DZANK1: variants seen among roughly 807,000 people sequenced by gnomAD.
The protein encoded by DZANK1 is double zinc ribbon and ankyrin repeat-containing protein 1.
A neutral mutation model predicts 94.5 loss-of-function variants in DZANK1; 91 were observed. The ratio of observed to expected loss-of-function variants is 0.96; its 90% CI spans 0.81 to 1.15. DZANK1 has a LOEUF of 1.15. Among genes scored for constraint, DZANK1 ranks in the 50% most tolerant of loss-of-function variants. The probability of loss-of-function intolerance (pLI) is 0.00; values close to 1 mark genes in which losing one functional copy is unlikely to be tolerated. For synonymous variants in DZANK1, 312 were observed against 325.3 expected, an observed-to-expected ratio of 0.96 and a Z score of 0.44; for missense variants, 903 against 916.4, an observed-to-expected ratio of 0.99 and a Z score of 0.19.
intron 1 of DZANK1, 32 bp from the exon 2 acceptor site, chr20:18,465,409 TACACAAAAGCTGAAGAGCA>T (rs2059614277): frequency 9.6e-6 from 9 of 938,914 alleles, no homozygotes; most frequent in Non-Finnish European, 1.3e-5. Flanking sequence ...AATTCCAATG[TACACAAAAGCTGAAGAGCA>T]GCACTTAATT....
chr20:18,407,650 T>C (rs1395283003), intron 13 of DZANK1, among the ~76,000 whole-genome samples: 1 of 152,198 alleles, frequency 6.6e-6, no homozygotes, highest in Admixed American at 6.5e-5. Context: ...AATAGCTGTT[T>C]TAAGGAAACT....
At position 18,401,491 on chromosome 20, in the gene DZANK1, A is replaced by G. The variant is rs149258104; in HGVS notation, c.1433-2865T>C. Among the ~76,000 whole-genome samples, 16 of 152,342 alleles carry G rather than the reference A, an allele frequency of 1.1e-4. 1 individual carries two copies. The East Asian group carries it at 2.9e-3, about 28-fold the overall frequency. On this transcript the variant is annotated intron_variant, in intron 13 of 20. Transcript: ENST00000262547. ...ACTGCCCATACTTCTGTGGGTCAAGAATATGGTCAATGCTCTGCAGGGACG... is the reference window on the plus strand; with the variant it reads ...ACTGCCCATACTTCTGTGGGTCAAGGATATGGTCAATGCTCTGCAGGGACG...
intron 10 of DZANK1, among the ~76,000 whole-genome samples, chr20:18,417,024 C>CAAAAAAAA (rs758353663): frequency 5.7e-5 from 3 of 52,916 alleles, no homozygotes; most frequent in Non-Finnish European, 1.5e-4. Flanking sequence ...ATCAAAAAAA[C>CAAAAAAAA]AAAAAAAAAC....
intron 14 of DZANK1, among the ~76,000 whole-genome samples, chr20:18,396,775 TATAA>T (rs1159115743): frequency 6.6e-6 from 1 of 152,170 alleles, no homozygotes; most frequent in East Asian, 1.9e-4. Flanking sequence ...CTCTACTAAT[TATAA>T]ATAAACTACT....
rs1200182552 is a variant in DZANK1 at position 18,415,324 on chromosome 20, C to T, written c.1077+3G>A. ...TACAGAATCTCAGTTTTAAAATACC[C>T]ACCATGGCTCCACACCAGCCGCAGA... On this transcript the variant is annotated splice_donor_region_variant and intron_variant, in intron 11 of 20. Transcript: ENST00000262547. The T allele has an allele frequency of 1.3e-6, 2 of 1,542,406 alleles. No homozygotes were observed. The highest frequency in any genetic ancestry group is 3.9e-5 in the Admixed American group (2 of 51,208).
chr20:18,395,106 A>G (rs780995564), intron 15 of DZANK1, among the ~76,000 whole-genome samples: 9 of 152,186 alleles, frequency 5.9e-5, no homozygotes, highest in Non-Finnish European at 1.3e-4. Flanking sequence ...TCACTTCTGT[A>G]ATCCCAGCAC....
intron 10 of DZANK1, among the ~76,000 whole-genome samples, chr20:18,421,766 C>T (rs2057792174): frequency 6.6e-6 from 1 of 152,128 alleles, no homozygotes; most frequent in South Asian, 2.1e-4. Flanking sequence ...GGGTGGCTTG[C>T]AATGCTCAGC....
At chr20:18,404,884 C>G (rs2056880454) in intron 13 of DZANK1, among the ~76,000 whole-genome samples, 1 of 151,836 alleles carries the variant, frequency 6.6e-6, no homozygotes, top group Non-Finnish European at 1.5e-5. Context: ...TGCACTCCAG[C>G]CTGGGTGACA....
chr20:18,427,673 G>A (rs1376642706), intron 9 of DZANK1, among the ~76,000 whole-genome samples: 1 of 151,520 alleles, frequency 6.6e-6, no homozygotes, highest in Non-Finnish European at 1.5e-5. Flanking sequence ...CTGAGTAGAC[G>A]TTCCATTTCA....
exon 16 of DZANK1, chr20:18,394,264 C>A (rs775045668): frequency 6.2e-7 from 1 of 1,613,362 alleles, no homozygotes; most frequent in Non-Finnish European, 8.5e-7. Context: ...CCCAGCTGGA[C>A]CTGCTGCCGC....
exon 3 of DZANK1, chr20:18,460,306 T>A: frequency 6.6e-7 from 1 of 1,511,972 alleles, no homozygotes; most frequent in South Asian, 1.3e-5. Context: ...ATCTGGAGTG[T>A]CTGAAAAATC....
At chr20:18,390,518 C>T in intron 17 of DZANK1, 59 bp from the exon 18 acceptor site, 1 of 1,499,322 alleles carries the variant, frequency 6.7e-7, no homozygotes, top group Non-Finnish European at 9.3e-7. Flanking sequence ...TCAAGGCAAA[C>T]ACTTTCTTTC....
Position 18,455,271 on chromosome 20 carries a change from AT to A in DZANK1, c.353del (p.Asn118MetfsTer20). ...CCTGCCTTGAAGAATCTTTGAGAAC[AT>A]TTTCAACATTGTCTTCAGGAGAGAC... On this transcript the variant is annotated frameshift_variant, in exon 4 of 21. Coordinates refer to ENST00000262547, the Ensembl canonical transcript of DZANK1. LOFTEE classifies it high-confidence loss of function. 1 of 1,605,980 alleles carries A rather than the reference AT, an allele frequency of 6.2e-7. No individual in the cohort carries two copies. The highest frequency in any genetic ancestry group is 8.5e-7 in the Non-Finnish European group (1 of 1,175,706).
At chr20:18,408,159 T>A (rs2148393406) in intron 13 of DZANK1, among the ~76,000 whole-genome samples, 1 of 152,110 alleles carries the variant, frequency 6.6e-6, no homozygotes, top group Admixed American at 6.5e-5. Flanking sequence ...CTACTATAAA[T>A]ATAAAAATTA....
At chr20:18,461,763 C>T (rs774781750) in intron 2 of DZANK1, among the ~76,000 whole-genome samples, 12 of 152,094 alleles carry the variant, frequency 7.9e-5, no homozygotes, top group African/African-American at 1.2e-4. Context: ...CCACGCCCAG[C>T]TAATTTTTGT....
At chr20:18,415,215 G>A in intron 11 of DZANK1, 112 bp downstream of exon 11, 4 of 1,134,194 alleles carry the variant, frequency 3.5e-6, no homozygotes, top group Non-Finnish European at 4.6e-6. Context: ...ATAGGTACCA[G>A]TAGCGAAATC....
At chr20:18,432,916 T>C (rs1225164724) in intron 9 of DZANK1, 1 of 152,226 alleles carries the variant, frequency 6.6e-6, no homozygotes, top group African/African-American at 2.4e-5. Flanking sequence ...ATGTAAGTGA[T>C]GATACATAAC....
chr20:18,451,998 T>A, intron 6 of DZANK1: 1 of 508,964 alleles, frequency 2.0e-6, no homozygotes, highest in South Asian at 1.4e-5. Context: ...TAGAATAGAA[T>A]TCAAACTTCT....
In DZANK1 at chr20:18,414,241, T is replaced by C. The variant is rs953191818; in HGVS notation, c.1242+107A>G. On this transcript the variant is annotated intron_variant, in intron 12 of 20. Transcript: ENST00000262547. Reference sequence around the variant, plus strand: ...TAGTTGAAATTCCATGTGAAAGTTCTAAAAGTTTTGGGTCTCTTCCCCGGG... The same window carrying C: ...TAGTTGAAATTCCATGTGAAAGTTCCAAAAGTTTTGGGTCTCTTCCCCGGG... The C allele has an allele frequency of 3.7e-6, 5 of 1,336,112 alleles. No individual in the cohort carries two copies. The African/African-American group carries it at 4.4e-5, about 12-fold the overall frequency. 82.8% of individuals were successfully genotyped at this position (1,336,112 alleles called of 1,614,324 possible).
Sources: gnomAD v4.1 joint callset for allele counts (sites outside exome capture counted in the v4.1 genomes callset) on GRCh38, gnomAD v4.1.1 for gene constraint, MANE v1.5 for transcripts, NCBI Gene and HGNC (gene_info 2026-07-23, HGNC 2026-07-21) for gene names.